PRORP: variants seen among roughly 807,000 people sequenced by gnomAD.
The protein encoded by PRORP is protein only RNase P catalytic subunit, also known as mitochondrial ribonuclease P catalytic subunit.
Under a neutral mutation model 59.4 loss-of-function variants are expected in PRORP, and 51 were observed. The ratio of observed to expected loss-of-function variants is 0.86; its 90% CI spans 0.69 to 1.08. PRORP has a LOEUF of 1.08. Ranked by LOEUF, PRORP falls within the 50% of genes least tolerant of loss-of-function variation. The pLI, the probability that PRORP is intolerant of heterozygous loss-of-function variation, is 0.00. For missense variants in PRORP, 646 were observed against 690.3 expected (o/e 0.94, Z 0.72); for synonymous variants, 231 against 245.6 (o/e 0.94, Z 0.55).
chr14:35,258,027 T>C (rs774724835), intron 5 of PRORP, among the ~76,000 whole-genome samples: 1 of 150,840 alleles, frequency 6.6e-6, no homozygotes, highest in Non-Finnish European at 1.5e-5. Context: ...ATCAGTTTTA[T>C]GCCAAAAGTT....
At chr14:35,122,009 C>T (rs368328232), upstream of PRORP, 72 of 1,603,262 alleles carry the variant, frequency 4.5e-5, no homozygotes, top group Non-Finnish European at 6.0e-5. Context: ...CTACCTGCTC[C>T]ACCCCTACCA....
intron 5 of PRORP, among the ~76,000 whole-genome samples, chr14:35,184,560 G>A (rs771862222): frequency 5.9e-5 from 9 of 151,994 alleles, no homozygotes; most frequent in Non-Finnish European, 1.2e-4. Context: ...ACATGGGAAG[G>A]TTTGTTACAT....
intron 4 of PRORP, among the ~76,000 whole-genome samples, chr14:35,134,457 AT>A (rs2047325275): frequency 6.6e-6 from 1 of 152,122 alleles, no homozygotes; most frequent in Non-Finnish European, 1.5e-5. Context: ...CTACCTGGAT[AT>A]TGCTGCTGCT....
At chr14:35,255,130 GT>G (rs960810388) in intron 5 of PRORP, among the ~76,000 whole-genome samples, 3 of 151,864 alleles carry the variant, frequency 2.0e-5, no homozygotes, top group Non-Finnish European at 2.9e-5. Context: ...GTGTTTGGTT[GT>G]TTTTTTGTTT....
chr14:35,122,185 G>A, upstream of PRORP: 4 of 559,192 alleles, frequency 7.2e-6, no homozygotes, highest in Non-Finnish European at 1.3e-5. Context: ...TGAAAGAGAT[G>A]GAAAATGGTT....
At chr14:35,157,306 C>A (rs1156967852) in intron 4 of PRORP, among the ~76,000 whole-genome samples, 2 of 151,980 alleles carry the variant, frequency 1.3e-5, no homozygotes, top group East Asian at 3.9e-4. Context: ...ATGGGCCAGA[C>A]CTGTGGATAT....
intron 5 of PRORP, among the ~76,000 whole-genome samples, chr14:35,186,637 AG>A (rs543707968): frequency 4.2e-4 from 63 of 151,390 alleles, no homozygotes; most frequent in African/African-American, 9.7e-4. Context: ...GTGTTGCCCA[AG>A]CTGGAGGGTA....
intron 4 of PRORP, chr14:35,158,641 T>C (rs553441756): frequency 1.3e-5 from 5 of 375,544 alleles, no homozygotes; most frequent in Admixed American, 3.2e-5. Context: ...ATCTGTTCAC[T>C]TGTGATTCTG....
intron 5 of PRORP, among the ~76,000 whole-genome samples, chr14:35,193,172 A>C: frequency 6.6e-6 from 1 of 152,148 alleles, no homozygotes; most frequent in Non-Finnish European, 1.5e-5. Flanking sequence ...ATGGGGGGAA[A>C]AGCACATCAT....
rs961757720 is a variant in PRORP at position 35,137,926 on chromosome 14, T to TTTGG, written c.1167+10327_1167+10330dup. On this transcript the variant is annotated intron_variant, in intron 4 of 7. Transcript: ENST00000534898. ...ATGTACATGTGTGTGTTGGTTTTGT[T>TTTGG]TTGGTTGGTTGGTTGTTTTTTTTCC... is the stretch of plus-strand genomic sequence containing the variant. Among the ~76,000 whole-genome samples the TTTGG allele has an allele frequency of 2.1e-5, 3 of 145,686 alleles. 1 individual carries two copies. Among genetic ancestry groups the TTTGG allele is most frequent in the Non-Finnish European group, 4.6e-5 (3 of 65,560 alleles).
chr14:35,257,751 C>G (rs1002320094), intron 5 of PRORP, among the ~76,000 whole-genome samples: 1 of 152,106 alleles, frequency 6.6e-6, no homozygotes, highest in Non-Finnish European at 1.5e-5. Context: ...CATCAGATCC[C>G]AAAGGCTTTA....
intron 5 of PRORP, among the ~76,000 whole-genome samples, chr14:35,184,184 A>G (rs1023558861): frequency 3.3e-5 from 5 of 152,018 alleles, no homozygotes; most frequent in African/African-American, 1.2e-4. Context: ...TTTTACATTC[A>G]TTGTTTATGG....
At chr14:35,169,057 A>G (rs1250308916) in intron 4 of PRORP, among the ~76,000 whole-genome samples, 1 of 149,310 alleles carries the variant, frequency 6.7e-6, no homozygotes, top group Non-Finnish European at 1.5e-5. Context: ...TTTAAGTTGA[A>G]AACTTAGGTC....
chr14:35,274,347 C>G lies in PRORP; in HGVS notation c.*781C>G, dbSNP rs2051269420. 1 of 143,560 alleles carries G rather than the reference C, an allele frequency of 7.0e-6. No individual in the cohort carries two copies. Among genetic ancestry groups the G allele is most frequent in the South Asian group, 2.2e-4 (1 of 4,520 alleles). 8.9% of individuals were successfully genotyped at this position (143,560 alleles called of 1,614,324 possible). ...TTTTTTTTTTTGTAGAGATGGCTGT[C>G]TCACTCTGTTGACAAGACTAGTCTC... On this transcript the variant is annotated 3_prime_UTR_variant, in exon 8 of 8. Coordinates refer to ENST00000534898, the MANE Select transcript of PRORP (RefSeq NM_014672.4).
At chr14:35,137,604 G>T (rs28462285) in intron 4 of PRORP, among the ~76,000 whole-genome samples, 4,934 of 145,290 alleles carry the variant, frequency 0.034, 450 homozygotes, top group African/African-American at 0.11. Flanking sequence ...ATGGCAGAGG[G>T]TGGGTGCTGA....
chr14:35,127,705 T>A, intron 4 of PRORP, 94 bp downstream of exon 4: 1 of 1,357,314 alleles, frequency 7.4e-7, no homozygotes, highest in Non-Finnish European at 1.0e-6. Flanking sequence ...TATTTTAGGC[T>A]TTGTAGGTCA....
intron 4 of PRORP, among the ~76,000 whole-genome samples, chr14:35,135,127 G>T (rs1387829430): frequency 6.6e-6 from 1 of 152,206 alleles, no homozygotes; most frequent in Non-Finnish European, 1.5e-5. Context: ...AACACTCAGA[G>T]TCTTTCTCTG....
chr14:35,124,828 C>T (rs561993111), intron 2 of PRORP, among the ~76,000 whole-genome samples: 9 of 149,736 alleles, frequency 6.0e-5, no homozygotes, highest in South Asian at 2.1e-4. Flanking sequence ...TGAAATCTAG[C>T]GACTGAGATA....
intron 5 of PRORP, among the ~76,000 whole-genome samples, chr14:35,226,446 T>G (rs933929892): frequency 2.0e-5 from 3 of 152,190 alleles, no homozygotes; most frequent in African/African-American, 7.2e-5. Flanking sequence ...ATGTGGAAAT[T>G]GGCATTTAAT....
Sources: gnomAD v4.1 joint callset for allele counts (sites outside exome capture counted in the v4.1 genomes callset) on GRCh38, gnomAD v4.1.1 for gene constraint, MANE v1.5 for transcripts, NCBI Gene and HGNC (gene_info 2026-07-23, HGNC 2026-07-21) for gene names.